The following CCDC146 variants were observed in gnomAD, a reference collection of about 807,000 sequenced individuals.
CCDC146 encodes the protein coiled-coil domain containing 146.
A neutral mutation model predicts 119.3 loss-of-function variants in CCDC146; 92 were observed. The ratio of observed to expected loss-of-function variants is 0.77; its 90% CI spans 0.65 to 0.92. CCDC146 has a LOEUF of 0.92. Among genes scored for constraint, CCDC146 ranks in the 40% least tolerant of loss-of-function variants. The pLI is 0.00. For missense variants in CCDC146, 1,000 were observed against 1,103.0 expected (o/e 0.91, Z 1.32); for synonymous variants, 372 against 371.8 (o/e 1.00, Z -0.01).
intron 4 of CCDC146, among the ~76,000 whole-genome samples, chr7:77,242,949 A>G (rs865901481): frequency 1.3e-5 from 2 of 151,998 alleles, no homozygotes; most frequent in South Asian, 2.1e-4. Flanking sequence ...TTCAGGGGGG[A>G]AAATTGGAGG....
intron 2 of CCDC146, chr7:77,198,249 G>C (rs185048918): frequency 3.0e-6 from 3 of 985,304 alleles, no homozygotes; most frequent in Admixed American, 6.1e-5. Context: ...CCTGGGGATG[G>C]AGCATGCCTG....
chr7:77,242,169 C>G (rs1241145939), intron 4 of CCDC146, among the ~76,000 whole-genome samples: 1 of 152,234 alleles, frequency 6.6e-6, no homozygotes, highest in Non-Finnish European at 1.5e-5. Flanking sequence ...AGAGAACACA[C>G]TCCACCAAAC....
intron 1 of CCDC146, among the ~76,000 whole-genome samples, chr7:77,147,640 C>T (rs1331508070): frequency 2.6e-5 from 4 of 152,224 alleles, no homozygotes. Context: ...TCAGGACCCT[C>T]AGCTGCAGGT....
chr7:77,160,359 C>A (rs1223383000), intron 1 of CCDC146, among the ~76,000 whole-genome samples: 1 of 151,998 alleles, frequency 6.6e-6, no homozygotes, highest in Non-Finnish European at 1.5e-5. Context: ...TTACCTTGGG[C>A]AGTATGGCCA....
intron 2 of CCDC146, among the ~76,000 whole-genome samples, chr7:77,208,780 T>TC (rs1460293112): frequency 6.6e-6 from 1 of 152,162 alleles, no homozygotes; most frequent in Non-Finnish European, 1.5e-5. Context: ...TCACAGCAGC[T>TC]CCCTGTTGCC....
chr7:77,280,589 A>G lies in CCDC146; in HGVS notation c.1855A>G (p.Ile619Val). 6.2e-7 allele frequency: 1 copy of G among 1,614,158 alleles called. No homozygotes were observed. The change falls in exon 14 of 19, where the codon ATC becomes GTC. Residue 619 changes from isoleucine to valine, a missense_variant. Around this residue, in one of 2 missense-constraint regions of CCDC146, gnomAD observed 985 missense variants for 1,045.3 expected, o/e 0.94. Transcript: ENST00000285871. ...CAGACTTGCCAACACGATCACAATG[A>G]TCGAAGAGGAGATGGTGCAGCTTCG... ...IDRLANTITMIEEEMVQLRKR... is the reference protein window; with the variant it reads ...IDRLANTITMVEEEMVQLRKR...
At chr7:77,219,278 C>A (rs1792357264) in intron 2 of CCDC146, among the ~76,000 whole-genome samples, 1 of 152,040 alleles carries the variant, frequency 6.6e-6, no homozygotes, top group African/African-American at 2.4e-5. Flanking sequence ...AAAAAGTTTT[C>A]CTTCTACTTT....
intron 8 of CCDC146, 125 bp from the exon 9 acceptor site, chr7:77,261,996 T>C (rs1475855161): frequency 2.8e-6 from 2 of 722,402 alleles, no homozygotes; most frequent in Non-Finnish European, 4.5e-6. Context: ...GGTAGTTCTG[T>C]TTTTAGGTCT....
At chr7:77,165,370 G>C (rs1439151200) in intron 1 of CCDC146, among the ~76,000 whole-genome samples, 2 of 151,944 alleles carry the variant, frequency 1.3e-5, no homozygotes, top group Non-Finnish European at 2.9e-5. Flanking sequence ...TGTAAATAAA[G>C]TCTGTTGGAA....
intron 2 of CCDC146, among the ~76,000 whole-genome samples, chr7:77,187,104 C>G (rs1791679442): frequency 6.6e-6 from 1 of 152,156 alleles, no homozygotes; most frequent in Non-Finnish European, 1.5e-5. Context: ...TAACAATTCT[C>G]CACTTTTGGT....
rs748101473 is a variant in CCDC146, at chr7:77,260,117, T to C, written c.867T>C (p.Asn289=). 28 of 1,613,528 alleles carry C rather than the reference T, an allele frequency of 1.7e-5. No homozygotes were observed. The Middle Eastern group carries it at 9.9e-4, about 57-fold the overall frequency. The change falls in exon 8 of 19, where the codon AAT becomes AAC. Residue 289 remains asparagine, a synonymous_variant. Transcript: ENST00000285871. ...KVSAIVDEKE[N]VIKEVEGKRA... Reference sequence around the variant, plus strand: ...GTGCTATAGTGGATGAGAAGGAAAATGTAATAAAGGAAGTTGAAGGCAAAC... The same window carrying C: ...GTGCTATAGTGGATGAGAAGGAAAACGTAATAAAGGAAGTTGAAGGCAAAC...
intron 2 of CCDC146, among the ~76,000 whole-genome samples, chr7:77,182,738 G>A (rs192230922): frequency 7.9e-5 from 12 of 152,290 alleles, no homozygotes; most frequent in African/African-American, 2.2e-4. Flanking sequence ...GAGGTTGCAT[G>A]AGCCAAGATC....
chr7:77,253,457 T>C (rs1727526710), intron 4 of CCDC146, among the ~76,000 whole-genome samples: 1 of 152,234 alleles, frequency 6.6e-6, no homozygotes, highest in Non-Finnish European at 1.5e-5. Flanking sequence ...AAGAATGTGG[T>C]GCAATAGGTC....
intron 2 of CCDC146, among the ~76,000 whole-genome samples, chr7:77,222,267 A>G (rs1216083776): frequency 2.6e-5 from 4 of 152,342 alleles, no homozygotes; most frequent in African/African-American, 7.2e-5. Flanking sequence ...GAAAGGCTTC[A>G]CTGTTCATCA....
At chr7:77,242,232 C>G in intron 4 of CCDC146, 1 of 395,884 alleles carries the variant, frequency 2.5e-6, no homozygotes, top group Non-Finnish European at 4.1e-6. Flanking sequence ...GCCCCCTCAT[C>G]CCATGACTAT....
chr7:77,157,993 C>A (rs1791202728), intron 1 of CCDC146, among the ~76,000 whole-genome samples: 2 of 152,166 alleles, frequency 1.3e-5, no homozygotes, highest in South Asian at 4.1e-4. Context: ...TAAATTCACA[C>A]ATTTTCCAAG....
At chr7:77,182,140 A>G (rs1183258671) in intron 2 of CCDC146, among the ~76,000 whole-genome samples, 1 of 152,212 alleles carries the variant, frequency 6.6e-6, no homozygotes, top group Non-Finnish European at 1.5e-5. Context: ...ACCTGACATT[A>G]AACCTCAGAT....
At chr7:77,193,250 T>G (rs1021268447) in intron 2 of CCDC146, 6 of 152,246 alleles carry the variant, frequency 3.9e-5, no homozygotes, top group Non-Finnish European at 8.8e-5. Flanking sequence ...ATGGTGTTCC[T>G]CTATTTGCCT....
At chr7:77,250,973 TTGTG>T (rs58026945) in intron 4 of CCDC146, among the ~76,000 whole-genome samples, 19,572 of 114,382 alleles carry the variant, frequency 0.17, 1,330 homozygotes, top group Non-Finnish European at 0.19. Flanking sequence ...TCTCTGGTAT[TTGTG>T]TGTGTGTGTG....
Sources: allele counts gnomAD v4.1 joint callset (sites outside exome capture counted in the v4.1 genomes callset), GRCh38; gene constraint gnomAD v4.1.1; regional missense constraint gnomAD v4.1.1; transcripts MANE v1.5; gene names NCBI Gene and HGNC (gene_info 2026-07-23, HGNC 2026-07-21).